The following LRRC37A2 variants were observed in gnomAD, a reference collection of about 807,000 sequenced individuals.
LRRC37A2 encodes leucine rich repeat containing 37 member A2.
In LRRC37A2, 9 loss-of-function variants were observed where a neutral mutation model predicts 68.8. The observed-to-expected ratio is 0.13, with a 90% CI of 0.08 to 0.23. The LOEUF (loss-of-function observed/expected upper bound fraction) is 0.23, where lower values mean the gene tolerates loss of function less well. LRRC37A2 is among the 10% of genes least tolerant of loss of function. LRRC37A2 has a pLI of 1.00. For missense variants in LRRC37A2, 168 were observed against 950.4 expected, an observed-to-expected ratio of 0.18 and a Z score of 10.82; for synonymous variants, 63 against 367.6, an observed-to-expected ratio of 0.17 and a Z score of 9.48.
the LRRC37A2 span, among the ~76,000 whole-genome samples, chr17:46,887,742 C>T: frequency 5.9e-5 from 9 of 151,388 alleles, no homozygotes; most frequent in Admixed American, 1.3e-4. Flanking sequence ...CCAGCCTGGG[C>T]GACATAGCGA....
the LRRC37A2 span, among the ~76,000 whole-genome samples, chr17:46,858,728 A>G: frequency 6.6e-6 from 1 of 152,192 alleles, no homozygotes; most frequent in African/African-American, 2.4e-5. Context: ...AATGTGTTAC[A>G]CAATCACAGC....
At chr17:46,841,101 G>A in the LRRC37A2 span, among the ~76,000 whole-genome samples, 1 of 152,138 alleles carries the variant, frequency 6.6e-6, no homozygotes, top group Non-Finnish European at 1.5e-5. Flanking sequence ...TAGGAAAGAG[G>A]GTGCCGACAG....
chr17:46,826,728 A>G, the LRRC37A2 span, among the ~76,000 whole-genome samples: 4 of 151,734 alleles, frequency 2.6e-5, no homozygotes, highest in Admixed American at 2.6e-4. Context: ...CACCTGGGAC[A>G]TGTAAAATGA....
chr17:46,941,112 G>T, the LRRC37A2 span: 2 of 1,021,088 alleles, frequency 2.0e-6, no homozygotes, highest in Non-Finnish European at 2.4e-6. Flanking sequence ...ATTTAAAACA[G>T]GTGGGTTATC....
At chr17:46,869,410 G>A in the LRRC37A2 span, among the ~76,000 whole-genome samples, 4 of 152,202 alleles carry the variant, frequency 2.6e-5, no homozygotes, top group South Asian at 2.1e-4. Context: ...CCTGGGCATC[G>A]CGGACATTGT....
the LRRC37A2 span, chr17:47,017,794 T>G: frequency 6.2e-7 from 1 of 1,609,982 alleles, no homozygotes; most frequent in South Asian, 1.1e-5. Context: ...GAACTCCGGG[T>G]GAAGTCAGAT....
At chr17:46,489,535 G>A in the LRRC37A2 span, among the ~76,000 whole-genome samples, 214 of 149,108 alleles carry the variant, frequency 1.4e-3, 19 homozygotes, top group African/African-American at 5.4e-3. Context: ...ACCCAGGCGG[G>A]AATACAGTGG....
the LRRC37A2 span, among the ~76,000 whole-genome samples, chr17:47,016,576 AG>A: frequency 1.7e-5 from 1 of 60,466 alleles, no homozygotes; most frequent in Non-Finnish European, 3.3e-5. Flanking sequence ...CTCCCAGGCT[AG>A]TGCAAAGGGC....
At chr17:46,944,056 A>G in the LRRC37A2 span, among the ~76,000 whole-genome samples, 61 of 152,196 alleles carry the variant, frequency 4.0e-4, no homozygotes, top group African/African-American at 1.3e-3. Flanking sequence ...CATCTGTGAC[A>G]TGGTGGCTCC....
chr17:47,000,029 A>AAAAT, the LRRC37A2 span, among the ~76,000 whole-genome samples: 7 of 22,130 alleles, frequency 3.2e-4, no homozygotes, highest in African/African-American at 5.8e-4. Context: ...AAAATAAAAT[A>AAAAT]AAATAAAATA....
the LRRC37A2 span, among the ~76,000 whole-genome samples, chr17:47,013,196 TG>T: frequency 6.6e-6 from 1 of 152,200 alleles, no homozygotes; most frequent in Non-Finnish European, 1.5e-5. Context: ...TGCCAGGCAT[TG>T]GGAGGAGCGG....
the LRRC37A2 span, among the ~76,000 whole-genome samples, chr17:46,477,631 T>C: frequency 2.0e-5 from 1 of 49,232 alleles, no homozygotes; most frequent in Non-Finnish European, 5.0e-5. Context: ...TCAGCAAATA[T>C]ATTGAATAGT....
chr17:46,533,791 T>G (rs2054111153), intron 6 of LRRC37A2, among the ~76,000 whole-genome samples: 1 of 93,922 alleles, frequency 1.1e-5, no homozygotes, highest in Non-Finnish European at 1.9e-5. Context: ...CCTGAGCCAC[T>G]GCGCCCAGCC....
At chr17:46,736,672 AAT>A in the LRRC37A2 span, among the ~76,000 whole-genome samples, 3 of 152,238 alleles carry the variant, frequency 2.0e-5, no homozygotes, top group Non-Finnish European at 4.4e-5. Context: ...AACTGTCAAA[AAT>A]TCCTTAATTC....
chr17:46,936,218 C>T, the LRRC37A2 span: 3 of 985,288 alleles, frequency 3.0e-6, no homozygotes, highest in East Asian at 1.1e-4. Context: ...GATTAGTCTG[C>T]CCTTTCTTTA....
At chr17:46,458,551 T>C in the LRRC37A2 span, among the ~76,000 whole-genome samples, 2 of 73,258 alleles carry the variant, frequency 2.7e-5, no homozygotes, top group Admixed American at 2.6e-4. Flanking sequence ...TTTTTTTTTT[T>C]TTTTTTTGAG....
chr17:47,019,160 A>T, the LRRC37A2 span: 1 of 1,339,942 alleles, frequency 7.5e-7, no homozygotes, highest in Admixed American at 1.7e-5. Context: ...CTCAGCATTC[A>T]CACCTGACTC....
At chr17:46,989,855 G>A in the LRRC37A2 span, among the ~76,000 whole-genome samples, 35 of 152,342 alleles carry the variant, frequency 2.3e-4, no homozygotes, top group African/African-American at 8.2e-4. Context: ...TCCTCGCCAC[G>A]GTGCCTGACA....
the LRRC37A2 span, chr17:46,704,897 A>G: frequency 6.4e-7 from 1 of 1,566,412 alleles, no homozygotes; most frequent in South Asian, 1.2e-5. Flanking sequence ...AAAAGTAATG[A>G]TAATAATAAC....
Sources: allele counts gnomAD v4.1 joint callset (sites outside exome capture counted in the v4.1 genomes callset), GRCh38; gene constraint gnomAD v4.1.1; transcripts MANE v1.5; gene names NCBI Gene and HGNC (gene_info 2026-07-23, HGNC 2026-07-21).